The following ITGB5 variants were observed in gnomAD, a reference collection of about 807,000 sequenced individuals.
The protein encoded by ITGB5 is integrin beta-5.
In ITGB5, 38 loss-of-function variants were observed where a neutral mutation model predicts 84.8. The ratio of observed to expected loss-of-function variants is 0.45; its 90% confidence interval spans 0.35 to 0.59. ITGB5 has a LOEUF of 0.59. Ranked by LOEUF, ITGB5 falls within the 20% of genes least tolerant of loss-of-function variation. ITGB5 has a pLI of 0.01. For missense variants in ITGB5, 905 were observed against 1,034.5 expected (o/e 0.87, Z 1.72); for synonymous variants, 393 against 414.4 (o/e 0.95, Z 0.63).
rs568223045 is a variant in ITGB5, at chr3:124,830,879, G to A, written c.781-9405C>T. 3.3e-5 allele frequency among the ~76,000 whole-genome samples: 5 copies of A among 152,322 alleles called. No individual in the cohort carries two copies. In the South Asian group the frequency reaches 1.0e-3, roughly 32 times the overall value. On this transcript the variant is annotated intron_variant, in intron 5 of 14. Transcript: ENST00000296181. ...CGTGCCTGTAATCCTAGCTACTTGG[G>A]AGGCTGAGGCAAGAGAATTGCTTGA...
chr3:124,821,767 C>G (rs1056108371), intron 5 of ITGB5, among the ~76,000 whole-genome samples: 1 of 152,360 alleles, frequency 6.6e-6, no homozygotes, highest in Middle Eastern at 3.4e-3. Flanking sequence ...CTCTTCTCTG[C>G]TCCTTTCACT....
chr3:124,764,537 C>A lies in ITGB5; in HGVS notation c.2158G>T (p.Ala720Ser). The A allele has an allele frequency of 6.2e-7, 1 of 1,612,556 alleles. No individual in the cohort carries two copies. The highest frequency in any genetic ancestry group is 8.5e-7 in the Non-Finnish European group (1 of 1,178,828). Residue 720 changes from alanine to serine, a missense_variant, in exon 14 of 15, where the codon GCC becomes TCC. Physicochemically the swap from Ala to Ser is moderately conservative, Grantham distance 99 (BLOSUM62 1). Coordinates refer to ENST00000296181, the MANE Select transcript of ITGB5 (RefSeq NM_002213.5). ...REPECGNTPNAMTILLAVVGS... is the reference protein window; with the variant it reads ...REPECGNTPNSMTILLAVVGS... ...ACCACAGCCAGGAGGATGGTCATGG[C>A]GTTGGGGGTGTTTCCACACTCTGGG...
chr3:124,797,550 C>G (rs562901197), intron 9 of ITGB5, among the ~76,000 whole-genome samples: 3 of 152,342 alleles, frequency 2.0e-5, no homozygotes, highest in African/African-American at 7.2e-5. Context: ...GGAAGTGTTT[C>G]TCACTCAGGA....
chr3:124,801,149 G>C (rs1215160364), intron 9 of ITGB5, among the ~76,000 whole-genome samples: 1 of 152,182 alleles, frequency 6.6e-6, no homozygotes, highest in African/African-American at 2.4e-5. Flanking sequence ...GAGCGGGGAG[G>C]GGGTGCTGTG....
intron 11 of ITGB5, among the ~76,000 whole-genome samples, chr3:124,772,020 A>G (rs1289022212): frequency 6.6e-6 from 1 of 151,982 alleles, no homozygotes; most frequent in Non-Finnish European, 1.5e-5. Flanking sequence ...CCATTTACCT[A>G]GTGTGCCCCA....
At chr3:124,820,676 G>A (rs2064687219) in intron 6 of ITGB5, among the ~76,000 whole-genome samples, 1 of 152,204 alleles carries the variant, frequency 6.6e-6, no homozygotes, top group Admixed American at 6.5e-5. Flanking sequence ...CAGGAAAATT[G>A]CACAGTGAGT....
chr3:124,859,575 T>C (rs1345438051), intron 2 of ITGB5, 129 bp from the exon 3 acceptor site: 5 of 677,944 alleles, frequency 7.4e-6, no homozygotes, highest in African/African-American at 1.8e-5. Flanking sequence ...TGTCTGAAAA[T>C]GGAGGAAATG....
At chr3:124,802,469 G>A (rs1413601197) in intron 9 of ITGB5, among the ~76,000 whole-genome samples, 1 of 152,172 alleles carries the variant, frequency 6.6e-6, no homozygotes, top group Non-Finnish European at 1.5e-5. Context: ...CTGTCTTGGG[G>A]ATCAGAGGAA....
rs2063707247 is a variant in ITGB5, at chr3:124,762,327, G to A, written c.*1296C>T. The A allele has an allele frequency of 6.6e-6, 1 of 152,196 alleles. No individual in the cohort carries two copies. The highest frequency in any genetic ancestry group is 1.5e-5 in the Non-Finnish European group (1 of 68,046). The allele number at this position is 152,196 out of a possible 1,614,324, so 9.4% of individuals were successfully genotyped here. On this transcript the variant is annotated 3_prime_UTR_variant, in exon 15 of 15. Transcript: ENST00000296181. ...TCTAAGAGCAAGCAGGAATGAGGAG[G>A]CTGGCCCTCTGGCCAGCATGAGATG... is the stretch of plus-strand genomic sequence containing the variant.
At chr3:124,798,503 T>G (rs1404146886) in intron 9 of ITGB5, among the ~76,000 whole-genome samples, 1 of 152,186 alleles carries the variant, frequency 6.6e-6, no homozygotes, top group African/African-American at 2.4e-5. Context: ...CACTGCAGCC[T>G]CTGCCTCCCA....
rs751952947 is a variant in ITGB5 at position 124,817,612 on chromosome 3, A to T, written c.1128+9T>A. On this transcript the variant is annotated intron_variant, in intron 8 of 14. Coordinates refer to ENST00000296181, the MANE Select transcript of ITGB5 (RefSeq NM_002213.5). ...GAGGTGGCAGTGGGGGAAGAAACTGATGACTTACATTGTATGCATTAATAA... is the reference window on the plus strand; with the variant it reads ...GAGGTGGCAGTGGGGGAAGAAACTGTTGACTTACATTGTATGCATTAATAA... 1.6e-5 allele frequency: 23 copies of T among 1,434,510 alleles called. No homozygotes were observed. The highest frequency in any genetic ancestry group is 8.3e-5 in the Admixed American group (4 of 48,144). The allele number at this position is 1,434,510 out of a possible 1,614,324, so 88.9% of individuals were successfully genotyped here.
At chr3:124,850,059 C>T (rs186296579) in intron 3 of ITGB5, among the ~76,000 whole-genome samples, 187 of 152,114 alleles carry the variant, frequency 1.2e-3, no homozygotes, top group African/African-American at 3.6e-3. Flanking sequence ...CCTGACTTGC[C>T]GGCAGCCACA....
chr3:124,896,863 C>G (rs1171281634), intron 1 of ITGB5, among the ~76,000 whole-genome samples: 1 of 148,888 alleles, frequency 6.7e-6, no homozygotes, highest in Non-Finnish European at 1.5e-5. Flanking sequence ...GAGTTCAAGA[C>G]TAGCCTGGGA....
At chr3:124,866,882 C>T (rs556281193) in intron 2 of ITGB5, among the ~76,000 whole-genome samples, 1 of 152,190 alleles carries the variant, frequency 6.6e-6, no homozygotes, top group Non-Finnish European at 1.5e-5. Context: ...TTTCAATGGA[C>T]TTATTAATTC....
At position 124,763,358 on chromosome 3, in the gene ITGB5, G is replaced by A. The variant is rs1439034546; in HGVS notation, c.*265C>T. 2 of 311,580 alleles carry A rather than the reference G, an allele frequency of 6.4e-6. No homozygotes were observed. The highest frequency in any genetic ancestry group is 1.1e-4 in the South Asian group (2 of 18,966). The allele number at this position is 311,580 out of a possible 1,614,324, so 19.3% of individuals were successfully genotyped here. On this transcript the variant is annotated 3_prime_UTR_variant, in exon 15 of 15. Transcript: ENST00000296181. The stretch of plus-strand genomic sequence containing the variant: ...TCATTGGGACAACAAGCTGGATGTG[G>A]CAGGGAAAGCTGAGAGCGCCAAGGT...
intron 5 of ITGB5, among the ~76,000 whole-genome samples, chr3:124,823,144 T>C (rs952432576): frequency 1.1e-4 from 16 of 152,066 alleles, no homozygotes; most frequent in African/African-American, 3.9e-4. Flanking sequence ...GCACCTGTCA[T>C]CCCAACTATT....
At position 124,848,395 on chromosome 3, in the gene ITGB5, G is replaced by T. The variant is rs1315994347; in HGVS notation, c.525C>A (p.Phe175Leu). The T allele has an allele frequency of 6.2e-7, 1 of 1,614,154 alleles. No homozygotes were observed. The highest frequency in any genetic ancestry group is 1.1e-5 in the South Asian group (1 of 91,078). Residue 175 changes from phenylalanine to leucine, a missense_variant, in exon 4 of 15, where the codon TTC becomes TTA. Transcript: ENST00000296181. ...CAACAAAAGACCCAAATCCCAACCGGAAGTTGCTGGTGAGCTTCCTCATCT... is the reference window on the plus strand; with the variant it reads ...CAACAAAAGACCCAAATCCCAACCGTAAGTTGCTGGTGAGCTTCCTCATCT... ...AEEMRKLTSN[F>L]RLGFGSFVDK...
At chr3:124,805,044 C>G (rs1351360499) in intron 9 of ITGB5, among the ~76,000 whole-genome samples, 3 of 150,270 alleles carry the variant, frequency 2.0e-5, no homozygotes, top group African/African-American at 7.4e-5. Context: ...CTGCCCTGCC[C>G]TGCCCTCCCT....
At chr3:124,865,384 T>C (rs370909434) in intron 2 of ITGB5, among the ~76,000 whole-genome samples, 1 of 151,752 alleles carries the variant, frequency 6.6e-6, no homozygotes, top group Non-Finnish European at 1.5e-5. Flanking sequence ...AACAAAGCAT[T>C]GATCCCTGGT....
Sources: gnomAD v4.1 joint callset for allele counts (sites outside exome capture counted in the v4.1 genomes callset) on GRCh38, gnomAD v4.1.1 for gene constraint, MANE v1.5 for transcripts, NCBI Gene and HGNC (gene_info 2026-07-23, HGNC 2026-07-21) for gene names.